Variants in FBRSL1 observed in about 807,000 individuals in gnomAD.
FBRSL1 encodes the protein fibrosin like 1.
In FBRSL1, 51 loss-of-function variants were observed where a neutral mutation model predicts 89.6. That is an observed-to-expected ratio of 0.57 (90% CI 0.45 to 0.72). FBRSL1 has a LOEUF of 0.72. FBRSL1 is among the 30% of genes least tolerant of loss of function. FBRSL1 has a pLI of 0.00. For missense variants in FBRSL1, 1,618 were observed against 1,451.8 expected, an observed-to-expected ratio of 1.11 and a Z score of -1.86; for synonymous variants, 779 against 681.1, an observed-to-expected ratio of 1.14 and a Z score of -2.24.
chr12:132,570,365 G>A lies in FBRSL1; in HGVS notation c.1038G>A (p.Gly346=), dbSNP rs1167694793. The change falls in exon 8 of 19, where the codon GGG becomes GGA. Residue 346 remains glycine (G), a synonymous_variant. Transcript: ENST00000680143. ...SRSSSAPLGL[G]KHVSLSPHGP... ...GCAGCAGCGCCCCCCTGGGCCTGGGGAAGCACGTGTCGCTGTCGCCACACG... is the reference window on the plus strand; with the variant it reads ...GCAGCAGCGCCCCCCTGGGCCTGGGAAAGCACGTGTCGCTGTCGCCACACG... The A allele has an allele frequency of 3.9e-6, 6 of 1,533,496 alleles. No homozygotes were observed. The East Asian group carries it at 9.8e-5, about 25-fold the overall frequency. 95.0% of individuals were successfully genotyped at this position (1,533,496 alleles called of 1,614,324 possible).
chr12:132,551,799 C>G (rs1235833281), intron 5 of FBRSL1: 1 of 350,542 alleles, frequency 2.9e-6, no homozygotes, highest in African/African-American at 2.1e-5. Flanking sequence ...GGCCCCTTCG[C>G]AAGTCTTCGG....
chr12:132,584,296 A>C lies in FBRSL1; in HGVS notation c.*518A>C, dbSNP rs547040206. On this transcript the variant is annotated 3_prime_UTR_variant, in exon 19 of 19. Coordinates refer to ENST00000680143, the MANE Select transcript of FBRSL1 (RefSeq NM_001367871.1). ...TTATATTAAAATAATAATGTACAAA[A>C]CTTTGTTTTTTTGCCTTATTATGCA... 3.9e-5 allele frequency: 6 copies of C among 152,254 alleles called. No individual in the cohort carries two copies. The South Asian group carries it at 1.0e-3, about 26-fold the overall frequency. 9.4% of individuals were successfully genotyped at this position (152,254 alleles called of 1,614,324 possible).
Position 132,583,051 on chromosome 12 carries a change from T to C in FBRSL1, c.2282T>C (p.Leu761Pro), listed in dbSNP as rs752340161. Reference sequence around the variant, plus strand: ...GGCCACCCCGTCAGCGGCCTCCTGCTCCGGGCCCAGAGCGAGCTGGGCCGG... The same window carrying C: ...GGCCACCCCGTCAGCGGCCTCCTGCCCCGGGCCCAGAGCGAGCTGGGCCGG... Reference protein sequence around the residue: ...PAGHPVSGLLLRAQSELGRSG... With the variant: ...PAGHPVSGLLPRAQSELGRSG... The change falls in exon 19 of 19, where the codon CTC becomes CCC. Residue 761 changes from leucine to proline, a missense_variant. Transcript: ENST00000680143. The C allele has an allele frequency of 2.5e-5, 36 of 1,449,426 alleles. No homozygotes were observed. In the South Asian group the frequency reaches 3.7e-4, roughly 15 times the overall value. 89.8% of individuals were successfully genotyped at this position (1,449,426 alleles called of 1,614,324 possible).
intron 11 of FBRSL1, among the ~76,000 whole-genome samples, chr12:132,573,198 C>T (rs2040159316): frequency 1.3e-5 from 2 of 152,192 alleles, no homozygotes; most frequent in African/African-American, 4.8e-5. Context: ...GTCCTGAAGC[C>T]GCCTCACCTG....
At chr12:132,549,075 G>A (rs1593443269) in intron 5 of FBRSL1, among the ~76,000 whole-genome samples, 2 of 152,304 alleles carry the variant, frequency 1.3e-5, no homozygotes, top group African/African-American at 4.8e-5. Context: ...AGTCAGTGGC[G>A]GTGGCCGGGG....
At chr12:132,530,073 C>T (rs1324268864) in intron 4 of FBRSL1, among the ~76,000 whole-genome samples, 1 of 152,132 alleles carries the variant, frequency 6.6e-6, no homozygotes, top group Non-Finnish European at 1.5e-5. Flanking sequence ...TGACACTCCT[C>T]CGCCCTTCCC....
chr12:132,547,621 CCCT>C lies in FBRSL1; in HGVS notation c.616-378_616-376del, dbSNP rs1374251780. On this transcript the variant is annotated intron_variant, in intron 4 of 18. Coordinates refer to ENST00000680143, the MANE Select transcript of FBRSL1 (RefSeq NM_001367871.1). ...TGGGGCTGTCCTGGGCCGGAGGCTGCCCTCCTTCCTGGTGTGAGGAAGGCTCTG... is the reference window on the plus strand; with the variant it reads ...TGGGGCTGTCCTGGGCCGGAGGCTGCCCTTCCTGGTGTGAGGAAGGCTCTG... Among the ~76,000 whole-genome samples, 5 of 152,194 alleles carry C rather than the reference CCCT, an allele frequency of 3.3e-5. No homozygotes were observed. The East Asian group carries it at 7.7e-4, about 24-fold the overall frequency.
chr12:132,527,622 G>A (rs2035898457), intron 3 of FBRSL1, among the ~76,000 whole-genome samples: 1 of 150,666 alleles, frequency 6.6e-6, no homozygotes, highest in Non-Finnish European at 1.5e-5. Flanking sequence ...CTGCGGGGCT[G>A]CGGGGCAGGG....
chr12:132,529,011 CTG>C (rs1372277152), intron 4 of FBRSL1, among the ~76,000 whole-genome samples: 1 of 152,214 alleles, frequency 6.6e-6, no homozygotes, highest in African/African-American at 2.4e-5. Flanking sequence ...CTCCTCATGA[CTG>C]TGTTTCATTT....
intron 1 of FBRSL1, among the ~76,000 whole-genome samples, chr12:132,491,175 G>A (rs2030862415): frequency 1.3e-5 from 2 of 152,230 alleles, no homozygotes; most frequent in Admixed American, 1.3e-4. Flanking sequence ...TGTTTCTGTG[G>A]CCAGCATATC....
At chr12:132,502,004 G>A (rs528341062) in intron 1 of FBRSL1, among the ~76,000 whole-genome samples, 28 of 152,224 alleles carry the variant, frequency 1.8e-4, no homozygotes, top group African/African-American at 6.3e-4. Context: ...TATTCTTTTC[G>A]TTATTGTGAG....
chr12:132,523,052 G>A (rs1043758326), intron 2 of FBRSL1, among the ~76,000 whole-genome samples: 2 of 152,148 alleles, frequency 1.3e-5, no homozygotes, highest in African/African-American at 2.4e-5. Flanking sequence ...GCTGGGGTGG[G>A]CACAGGTGCA....
Position 132,500,158 on chromosome 12 carries a change from G to A in FBRSL1, c.292-7995G>A, listed in dbSNP as rs761262576. 4.6e-5 allele frequency among the ~76,000 whole-genome samples: 7 copies of A among 152,116 alleles called. No homozygotes were observed. In the South Asian group the frequency reaches 6.2e-4, roughly 14 times the overall value. On this transcript the variant is annotated intron_variant, in intron 1 of 18. Coordinates refer to ENST00000680143, the MANE Select transcript of FBRSL1 (RefSeq NM_001367871.1). ...CATCAAGCGTCTGGGGCTGGGAGCC[G>A]CACGCCGTGACCCTGCCCCACTGAG...
intron 2 of FBRSL1, among the ~76,000 whole-genome samples, chr12:132,524,673 A>T (rs980821291): frequency 6.6e-6 from 1 of 152,218 alleles, no homozygotes; most frequent in South Asian, 2.1e-4. Flanking sequence ...GGGGCGTGTC[A>T]CTACAAGGTG....
rs764216104 is a variant in FBRSL1, at chr12:132,584,065, A to G, written c.*287A>G. On this transcript the variant is annotated 3_prime_UTR_variant, in exon 19 of 19. Coordinates refer to ENST00000680143, the MANE Select transcript of FBRSL1 (RefSeq NM_001367871.1). ...TTTTTCTTAATTTTATGCTCTTTAG[A>G]CGTTTAAAAGAACCAAAAAAGAAAC... 8 of 171,714 alleles carry G rather than the reference A, an allele frequency of 4.7e-5. No homozygotes were observed. The highest frequency in any genetic ancestry group is 9.9e-5 in the Non-Finnish European group (8 of 81,094). 10.6% of individuals were successfully genotyped at this position (171,714 alleles called of 1,614,324 possible).
chr12:132,551,818 T>C, intron 5 of FBRSL1: 2 of 346,338 alleles, frequency 5.8e-6, no homozygotes, highest in South Asian at 2.1e-5. Flanking sequence ...GGTTTGTGTC[T>C]AACCACTTTT....
At chr12:132,551,060 T>C in intron 5 of FBRSL1, 1 of 294,980 alleles carries the variant, frequency 3.4e-6, no homozygotes, top group Non-Finnish European at 6.8e-6. Flanking sequence ...TCTCTGTCCC[T>C]GGGCACTGCT....
chr12:132,561,731 G>C (rs1052123030), intron 5 of FBRSL1, among the ~76,000 whole-genome samples: 1 of 152,212 alleles, frequency 6.6e-6, no homozygotes, highest in Non-Finnish European at 1.5e-5. Context: ...AAGAGGGCCC[G>C]CGTGCGTGCC....
rs1299861124 is a variant in FBRSL1 at position 132,546,374 on chromosome 12, G to T, written c.616-1629G>T. ...GCGGGATGGGCCCGGTTCTGACTTG[G>T]AGCCCTCAGTTCTTGTGTGGTGGGC... On this transcript the variant is annotated intron_variant, in intron 4 of 18. Transcript: ENST00000680143. The surrounding 1 kb of genome is among the most constrained non-coding windows in gnomAD (Gnocchi z 4.0). Among the ~76,000 whole-genome samples, 1 of 152,244 alleles carries T rather than the reference G, an allele frequency of 6.6e-6. No homozygotes were observed. The highest frequency in any genetic ancestry group is 1.5e-5 in the Non-Finnish European group (1 of 68,042).
Sources: gnomAD v4.1 joint callset for allele counts (sites outside exome capture counted in the v4.1 genomes callset) on GRCh38, gnomAD v4.1.1 for gene constraint, Gnocchi (gnomAD v3.1) non-coding constraint, MANE v1.5 for transcripts, NCBI Gene and HGNC (gene_info 2026-07-23, HGNC 2026-07-21) for gene names.